MIPOL1: variants seen among roughly 807,000 people sequenced by gnomAD.
MIPOL1 encodes the protein mirror-image polydactyly gene 1 protein.
Under a neutral mutation model 60.9 loss-of-function variants are expected in MIPOL1, and 57 were observed. The observed-to-expected ratio is 0.94, with a 90% CI of 0.76 to 1.17. The LOEUF is 1.17. MIPOL1 is among the 50% of genes most tolerant of loss of function. The pLI, the probability that MIPOL1 is intolerant of heterozygous loss-of-function variation, is 0.00. For missense variants in MIPOL1, 551 were observed against 511.6 expected (o/e 1.08, Z -0.74); for synonymous variants, 179 against 168.8 (o/e 1.06, Z -0.47).
intron 12 of MIPOL1, among the ~76,000 whole-genome samples, chr14:37,543,357 C>A (rs1404884876): frequency 6.6e-6 from 1 of 151,972 alleles, no homozygotes; most frequent in African/African-American, 2.4e-5. Flanking sequence ...TTCACTGAAA[C>A]CTCGGCCTCC....
intron 9 of MIPOL1, among the ~76,000 whole-genome samples, chr14:37,320,319 C>T (rs2088432203): frequency 6.6e-6 from 1 of 152,034 alleles, no homozygotes; most frequent in South Asian, 2.1e-4. Context: ...GGTATCATTA[C>T]TGATTTTAAT....
intron 3 of MIPOL1, among the ~76,000 whole-genome samples, chr14:37,255,660 A>T (rs1974805406): frequency 6.6e-6 from 1 of 151,792 alleles, no homozygotes; most frequent in South Asian, 2.1e-4. Flanking sequence ...AGGGAATATG[A>T]AAAAACAAAT....
chr14:37,339,030 A>G (rs993942408), intron 9 of MIPOL1, among the ~76,000 whole-genome samples: 5 of 152,244 alleles, frequency 3.3e-5, no homozygotes, highest in African/African-American at 1.2e-4. Flanking sequence ...CAACATTAAG[A>G]AAATAAATTG....
rs1303995388 is a variant in MIPOL1 at position 37,338,687 on chromosome 14, A to C, written c.828+30168A>C. On this transcript the variant is annotated intron_variant, in intron 9 of 12. Coordinates refer to ENST00000684589, the MANE Select transcript of MIPOL1 (RefSeq NM_001388067.1). ...GCCTCCAAAAGTGCTGGAATTACAGATGTGAGCCACCATGCCCAGCCATTT... is the reference window on the plus strand; with the variant it reads ...GCCTCCAAAAGTGCTGGAATTACAGCTGTGAGCCACCATGCCCAGCCATTT... Among the ~76,000 whole-genome samples the C allele has an allele frequency of 9.2e-5, 14 of 151,566 alleles. No homozygotes were observed. In the South Asian group the frequency reaches 2.7e-3, roughly 29 times the overall value.
At position 37,489,555 on chromosome 14, in the gene MIPOL1, T is replaced by C. The variant is rs1283219387; in HGVS notation, c.1032-10353T>C. On this transcript the variant is annotated intron_variant, in intron 11 of 12. Transcript: ENST00000684589. ...CTGGTTTTTGGAATTTTCAGTCTTT[T>C]TCTGCTGGTTTCTCCCCATCTTCAT... Among the ~76,000 whole-genome samples the C allele has an allele frequency of 3.3e-5, 5 of 152,204 alleles. No individual in the cohort carries two copies. In the East Asian group the frequency reaches 9.6e-4, roughly 29 times the overall value.
chr14:37,233,217 G>A (rs1292057617), intron 1 of MIPOL1, among the ~76,000 whole-genome samples: 2 of 152,148 alleles, frequency 1.3e-5, no homozygotes. Context: ...TGGGGCCAGT[G>A]TTTGTAATAC....
intron 12 of MIPOL1, among the ~76,000 whole-genome samples, chr14:37,516,040 T>G (rs2095366837): frequency 6.6e-6 from 1 of 152,164 alleles, no homozygotes; most frequent in African/African-American, 2.4e-5. Flanking sequence ...GAATCAAACT[T>G]GGCAATGAAA....
At chr14:37,268,042 T>C (rs1261595656) in intron 4 of MIPOL1, among the ~76,000 whole-genome samples, 2 of 152,182 alleles carry the variant, frequency 1.3e-5, no homozygotes, top group Non-Finnish European at 2.9e-5. Flanking sequence ...ACTTTGATAA[T>C]TAGTCATGTG....
At chr14:37,458,027 G>GA (rs1352186764) in intron 11 of MIPOL1, among the ~76,000 whole-genome samples, 1 of 151,668 alleles carries the variant, frequency 6.6e-6, no homozygotes, top group Non-Finnish European at 1.5e-5. Context: ...ATGAGCAAGA[G>GA]TAGCTATACT....
intron 11 of MIPOL1, among the ~76,000 whole-genome samples, chr14:37,467,266 A>G (rs1224310479): frequency 6.6e-6 from 1 of 152,224 alleles, no homozygotes; most frequent in Non-Finnish European, 1.5e-5. Context: ...TTGTACAGAA[A>G]AACTGCTGAA....
rs1015939669 is a variant in MIPOL1, at chr14:37,230,508, C to T, written c.-198-16595C>T. ...TTTATCATCTTCCTTAAAGGGACAGCGTGAATACTAAGTTTTTCCTTGGAG... is the reference window on the plus strand; with the variant it reads ...TTTATCATCTTCCTTAAAGGGACAGTGTGAATACTAAGTTTTTCCTTGGAG... On this transcript the variant is annotated intron_variant, in intron 1 of 12. Coordinates refer to ENST00000684589, the MANE Select transcript of MIPOL1 (RefSeq NM_001388067.1). Among the ~76,000 whole-genome samples, 3 of 152,096 alleles carry T rather than the reference C, an allele frequency of 2.0e-5. No individual in the cohort carries two copies. The South Asian group carries it at 6.2e-4, about 31-fold the overall frequency.
At chr14:37,256,104 T>C (rs914752492) in intron 3 of MIPOL1, among the ~76,000 whole-genome samples, 6 of 151,916 alleles carry the variant, frequency 3.9e-5, no homozygotes, top group Non-Finnish European at 7.4e-5. Context: ...ACAATGTTCA[T>C]TGATGTGAAC....
intron 6 of MIPOL1, among the ~76,000 whole-genome samples, chr14:37,279,636 C>A (rs1001949199): frequency 6.6e-6 from 1 of 151,748 alleles, no homozygotes; most frequent in Non-Finnish European, 1.5e-5. Context: ...TTTTAATTGA[C>A]AAATAATAAT....
chr14:37,208,428 G>A (rs1447189729), intron 1 of MIPOL1, among the ~76,000 whole-genome samples: 2 of 152,020 alleles, frequency 1.3e-5, no homozygotes, highest in Non-Finnish European at 2.9e-5. Context: ...AAATAATATA[G>A]AGAAATTAAC....
At chr14:37,467,661 A>T (rs797021896) in intron 11 of MIPOL1, among the ~76,000 whole-genome samples, 1 of 152,286 alleles carries the variant, frequency 6.6e-6, no homozygotes, top group African/African-American at 2.4e-5. Flanking sequence ...GGAAATACAG[A>T]TTGTGAGCAG....
chr14:37,551,524 C>G (rs1247659748), downstream of MIPOL1: 1 of 151,886 alleles, frequency 6.6e-6, no homozygotes, highest in Non-Finnish European at 1.5e-5. Flanking sequence ...AGAGAAATAT[C>G]ATTTTTAGTG....
intron 6 of MIPOL1, among the ~76,000 whole-genome samples, chr14:37,281,108 C>G (rs1429406833): frequency 6.6e-6 from 1 of 152,076 alleles, no homozygotes; most frequent in Non-Finnish European, 1.5e-5. Flanking sequence ...GGAACTTTCC[C>G]CCTGTGTTAT....
chr14:37,288,643 A>G (rs117551451), intron 7 of MIPOL1, among the ~76,000 whole-genome samples: 1,708 of 152,162 alleles, frequency 0.011, 11 homozygotes, highest in Middle Eastern at 0.031. Context: ...GTTTCTACAA[A>G]AAAAATTATT....
At chr14:37,313,066 CTTTAGTCAAATA>C (rs1193254220) in intron 9 of MIPOL1, among the ~76,000 whole-genome samples, 1 of 152,150 alleles carries the variant, frequency 6.6e-6, no homozygotes. Flanking sequence ...CTAATTTTCA[CTTTAGTCAAATA>C]CCCATCTTCT....
Sources: allele counts gnomAD v4.1 joint callset (sites outside exome capture counted in the v4.1 genomes callset), GRCh38; gene constraint gnomAD v4.1.1; transcripts MANE v1.5; gene names NCBI Gene and HGNC (gene_info 2026-07-23, HGNC 2026-07-21).